The following DLGAP1 variants were observed in gnomAD, a reference collection of about 807,000 sequenced individuals.
DLGAP1 encodes the protein DLG associated protein 1, also known as disks large-associated protein 1.
In DLGAP1, 11 loss-of-function variants were observed where a neutral mutation model predicts 90.8. That is an observed-to-expected ratio of 0.12 (90% CI 0.08 to 0.20). The LOEUF is 0.20. Ranked by LOEUF, DLGAP1 falls within the 10% of genes least tolerant of loss-of-function variation. The pLI, the probability that DLGAP1 is intolerant of heterozygous loss-of-function variation, is 1.00. For missense variants in DLGAP1, 1,050 were observed against 1,333.8 expected (o/e 0.79, Z 3.31); for synonymous variants, 558 against 540.7 (o/e 1.03, Z -0.44).
intron 7 of DLGAP1, among the ~76,000 whole-genome samples, chr18:3,617,818 T>C (rs1429885648): frequency 6.6e-6 from 1 of 151,748 alleles, no homozygotes; most frequent in African/African-American, 2.4e-5. Flanking sequence ...GTGGATCACC[T>C]GAGCTCAGGA....
chr18:4,430,583 C>G lies in DLGAP1; in HGVS notation c.-267+24423G>C, dbSNP rs541866690. 3.4e-5 allele frequency: 5 copies of G among 148,488 alleles called. No individual in the cohort carries two copies. In the East Asian group the frequency reaches 8.0e-4, roughly 24 times the overall value. The allele number at this position is 148,488 out of a possible 1,614,324, so 9.2% of individuals were successfully genotyped here. ...TTCTTTTGATTGTTTTTTCTTTTCC[C>G]GCAGTTTTATTGAGGTATAATTCAC... On this transcript the variant is annotated intron_variant, in intron 1 of 12. Transcript: ENST00000315677.
chr18:3,881,427 C>T (rs1320029842), intron 3 of DLGAP1, among the ~76,000 whole-genome samples: 2 of 152,194 alleles, frequency 1.3e-5, no homozygotes, highest in African/African-American at 4.8e-5. Context: ...ATTAGTTCCT[C>T]TCTTGTGTTT....
chr18:4,061,587 T>A (rs2075299629), intron 2 of DLGAP1, among the ~76,000 whole-genome samples: 1 of 152,172 alleles, frequency 6.6e-6, no homozygotes, highest in Non-Finnish European at 1.5e-5. Flanking sequence ...CATTTGTCTA[T>A]AAGGTTTTAC....
At chr18:3,875,044 A>G (rs1222602786) in intron 4 of DLGAP1, among the ~76,000 whole-genome samples, 1 of 152,214 alleles carries the variant, frequency 6.6e-6, no homozygotes, top group African/African-American at 2.4e-5. Flanking sequence ...AGAGAGAAGC[A>G]GAGCTTTGCT....
chr18:3,800,111 C>A (rs1014888785), intron 5 of DLGAP1, among the ~76,000 whole-genome samples: 10 of 152,194 alleles, frequency 6.6e-5, no homozygotes, highest in Non-Finnish European at 1.5e-4. Flanking sequence ...GGAATTGGAA[C>A]AGCAGGTTTT....
chr18:3,908,993 G>A (rs2071974661), intron 3 of DLGAP1, among the ~76,000 whole-genome samples: 1 of 152,142 alleles, frequency 6.6e-6, no homozygotes, highest in Non-Finnish European at 1.5e-5. Flanking sequence ...AGCCTGGGTT[G>A]CTGAAATCAG....
intron 9 of DLGAP1, among the ~76,000 whole-genome samples, chr18:3,556,331 G>A (rs548235361): frequency 2.0e-5 from 3 of 152,194 alleles, no homozygotes; most frequent in East Asian, 3.9e-4. Flanking sequence ...TTACAGTAGG[G>A]TTACTCTTGG....
chr18:4,405,821 C>CG (rs1485402586), intron 1 of DLGAP1, among the ~76,000 whole-genome samples: 7 of 152,100 alleles, frequency 4.6e-5, no homozygotes, highest in African/African-American at 1.4e-4. Flanking sequence ...GACTTGCTAC[C>CG]GGGGGAAGGT....
intron 1 of DLGAP1, among the ~76,000 whole-genome samples, chr18:4,312,462 C>T (rs1166644441): frequency 6.6e-6 from 1 of 152,096 alleles, no homozygotes; most frequent in African/African-American, 2.4e-5. Flanking sequence ...AGAACCCCAC[C>T]ATAAGTGGAA....
intron 2 of DLGAP1, among the ~76,000 whole-genome samples, chr18:4,059,031 G>A (rs2036005126): frequency 6.6e-6 from 1 of 152,226 alleles, no homozygotes; most frequent in Non-Finnish European, 1.5e-5. Flanking sequence ...ATTACCATGA[G>A]AACAGAGATG....
At chr18:4,083,378 T>C (rs563012320) in intron 2 of DLGAP1, among the ~76,000 whole-genome samples, 5 of 152,340 alleles carry the variant, frequency 3.3e-5, no homozygotes, top group Admixed American at 2.6e-4. Context: ...TTTTCTTTAT[T>C]ATAAAAGTAA....
intron 7 of DLGAP1, among the ~76,000 whole-genome samples, chr18:3,629,116 A>T (rs1049783694): frequency 1.3e-5 from 2 of 152,230 alleles, no homozygotes; most frequent in Non-Finnish European, 2.9e-5. Context: ...ATCTTTGCCA[A>T]CATTTGATAT....
intron 1 of DLGAP1, among the ~76,000 whole-genome samples, chr18:4,333,067 C>A (rs1363934704): frequency 1.3e-5 from 2 of 151,974 alleles, no homozygotes; most frequent in Non-Finnish European, 2.9e-5. Flanking sequence ...TCTCTCAAAT[C>A]AGTTAACCAT....
In DLGAP1 at chr18:3,856,161, A is replaced by C. The variant is rs150119026; in HGVS notation, c.957+22951T>G. Among the ~76,000 whole-genome samples, 302 of 152,324 alleles carry C rather than the reference A, an allele frequency of 2.0e-3. 2 individuals carry two copies. Among genetic ancestry groups the C allele is most frequent in the Middle Eastern group, 0.01 (3 of 294 alleles). On this transcript the variant is annotated intron_variant, in intron 4 of 12. Coordinates refer to ENST00000315677, the MANE Select transcript of DLGAP1 (RefSeq NM_004746.4). ...AGGAATTTTTCCTGAATAAACAACT[A>C]GATGATTATTGAAGAGTTTGTAACA...
chr18:3,882,679 C>G lies in DLGAP1; in HGVS notation c.-72-2539G>C, dbSNP rs76493867. Among the ~76,000 whole-genome samples the G allele has an allele frequency of 3.3e-3, 506 of 152,274 alleles. 4 individuals carry two copies. Among genetic ancestry groups the G allele is most frequent in the African/African-American group, 0.011 (470 of 41,556 alleles). On this transcript the variant is annotated intron_variant, in intron 3 of 12. Coordinates refer to ENST00000315677, the MANE Select transcript of DLGAP1 (RefSeq NM_004746.4). ...CATATCCCATGTAGGGTATCTCAGT[C>G]CATTTCCAAGCTCGGATCTTCCGGA...
intron 1 of DLGAP1, among the ~76,000 whole-genome samples, chr18:4,179,413 C>T (rs2077169883): frequency 2.0e-5 from 3 of 152,154 alleles, no homozygotes; most frequent in Non-Finnish European, 4.4e-5. Flanking sequence ...CATTTAAGTT[C>T]CTAACTTAAG....
chr18:3,713,946 G>A (rs527364286), intron 7 of DLGAP1, among the ~76,000 whole-genome samples: 1 of 152,100 alleles, frequency 6.6e-6, no homozygotes, highest in Non-Finnish European at 1.5e-5. Flanking sequence ...TCAGGATTCC[G>A]CCCTATTCTG....
intron 3 of DLGAP1, among the ~76,000 whole-genome samples, chr18:3,949,613 C>A (rs2072944936): frequency 6.6e-6 from 1 of 152,162 alleles, no homozygotes; most frequent in Admixed American, 6.5e-5. Flanking sequence ...GAAATTTCAC[C>A]AGCAGAGCGC....
intron 7 of DLGAP1, among the ~76,000 whole-genome samples, chr18:3,675,941 A>G (rs958047313): frequency 1.3e-5 from 2 of 152,244 alleles, no homozygotes; most frequent in Non-Finnish European, 2.9e-5. Flanking sequence ...TACAGGAGTT[A>G]AGAAGAAATT....
Sources: allele counts gnomAD v4.1 joint callset (sites outside exome capture counted in the v4.1 genomes callset), GRCh38; gene constraint gnomAD v4.1.1; transcripts MANE v1.5; gene names NCBI Gene and HGNC (gene_info 2026-07-23, HGNC 2026-07-21).